Variants in HPS5 observed in about 807,000 individuals in gnomAD.
The protein encoded by HPS5 is BLOC-2 complex member HPS5.
A neutral mutation model predicts 128.0 loss-of-function variants in HPS5; 83 were observed. The observed-to-expected ratio is 0.65, with a 90% CI of 0.54 to 0.78. HPS5 has a LOEUF of 0.78. Ranked by LOEUF, HPS5 falls within the 30% of genes least tolerant of loss-of-function variation. HPS5 has a pLI of 0.00. For missense variants in HPS5, 1,281 were observed against 1,326.2 expected, an observed-to-expected ratio of 0.97 and a Z score of 0.53; for synonymous variants, 475 against 470.2, an observed-to-expected ratio of 1.01 and a Z score of -0.13.
intron 16 of HPS5, among the ~76,000 whole-genome samples, chr11:18,290,992 G>A (rs1860325067): frequency 6.6e-6 from 1 of 152,242 alleles, no homozygotes; most frequent in African/African-American, 2.4e-5. Context: ...GCCAAGGCAG[G>A]TAGATCACTT....
chr11:18,291,952 G>A lies in HPS5; in HGVS notation c.1930C>T (p.Leu644Phe). Residue 644 changes from leucine to phenylalanine, a missense_variant, in exon 16 of 23, where the codon CTT (leucine) becomes TTT (phenylalanine). Coordinates refer to ENST00000349215, the MANE Select transcript of HPS5 (RefSeq NM_181507.2). ...ESLRMVLQEWLSHLEKTFAMK... is the reference protein window; with the variant it reads ...ESLRMVLQEWFSHLEKTFAMK... The stretch of plus-strand genomic sequence containing the variant: ...GCAAATGTTTTTTCTAAATGTGAAA[G>A]CCACTCCTGTAAAACCATTCTCAGA... 6.2e-7 allele frequency: 1 copy of A among 1,611,676 alleles called. No homozygotes were observed. Among genetic ancestry groups the A allele is most frequent in the Non-Finnish European group, 8.5e-7 (1 of 1,179,476 alleles).
In HPS5 at chr11:18,287,888, C is replaced by T. The variant is rs1270370221; in HGVS notation, c.2561+5G>A. On this transcript the variant is annotated splice_donor_5th_base_variant and intron_variant, in intron 17 of 22. Transcript: ENST00000349215. The stretch of plus-strand genomic sequence containing the variant: ...CTCATATAAACAATATACAGGACAA[C>T]TTACCGGGTAGCATAAACAACCAAC... The T allele has an allele frequency of 6.2e-7, 1 of 1,614,018 alleles. No homozygotes were observed. The highest frequency in any genetic ancestry group is 1.7e-5 in the Admixed American group (1 of 60,030).
chr11:18,286,909 A>AC, intron 18 of HPS5, 199 bp from the exon 19 acceptor site: 4 of 616,486 alleles, frequency 6.5e-6, no homozygotes, highest in South Asian at 2.0e-5. Flanking sequence ...GGGCCAAAAA[A>AC]GAAAAAAAAA....
intron 22 of HPS5, chr11:18,280,681 A>C: frequency 3.1e-6 from 2 of 648,472 alleles, no homozygotes; most frequent in South Asian, 3.5e-5. Flanking sequence ...GGTGGCATAT[A>C]TATACAACGG....
intron 2 of HPS5, among the ~76,000 whole-genome samples, chr11:18,313,510 G>A (rs1863238269): frequency 6.6e-6 from 1 of 152,138 alleles, no homozygotes; most frequent in African/African-American, 2.4e-5. Flanking sequence ...AATCCACTTG[G>A]GCTGGACAAG....
In HPS5 at chr11:18,317,922, CA is replaced by C; in HGVS notation, c.-49-16del. The C allele has an allele frequency of 6.4e-7, 1 of 1,551,288 alleles. No homozygotes were observed. Among genetic ancestry groups the C allele is most frequent in the South Asian group, 1.2e-5 (1 of 86,146 alleles). ...GTATTCCTCACCTGAATAAAATCCA[CA>C]AAAATATAATTTAAGAAGCCCACCA... On this transcript the variant is annotated splice_polypyrimidine_tract_variant and intron_variant, in intron 1 of 22. Transcript: ENST00000349215.
intron 14 of HPS5, 121 bp from the exon 15 acceptor site, chr11:18,293,097 T>A (rs575163745): frequency 1.9e-5 from 15 of 777,556 alleles, no homozygotes; most frequent in Non-Finnish European, 3.5e-5. Flanking sequence ...TCTCGGTTCA[T>A]TGCAACCTCC....
intron 15 of HPS5, among the ~76,000 whole-genome samples, chr11:18,292,436 C>A (rs1035361950): frequency 2.0e-5 from 3 of 152,060 alleles, no homozygotes; most frequent in African/African-American, 4.8e-5. Context: ...TCAAGCGATC[C>A]GCCCACCTCA....
intron 3 of HPS5, 65 bp from the exon 4 acceptor site, chr11:18,311,516 T>TTTA (rs1313678234): frequency 2.3e-6 from 2 of 868,696 alleles, no homozygotes; most frequent in South Asian, 2.3e-5. Flanking sequence ...TTATTATTTT[T>TTTA]TTTTTTTTTT....
chr11:18,288,031 T>G lies in HPS5; in HGVS notation c.2441-18A>C. ...TGCCATTTCTGAAATATAAAGCATA[T>G]CCTTTTCCAAACTTTATCTCTTAGG... On this transcript the variant is annotated intron_variant, in intron 16 of 22. Coordinates refer to ENST00000349215, the MANE Select transcript of HPS5 (RefSeq NM_181507.2). 6.2e-7 allele frequency: 1 copy of G among 1,613,090 alleles called. No individual in the cohort carries two copies. The highest frequency in any genetic ancestry group is 8.5e-7 in the Non-Finnish European group (1 of 1,179,646).
chr11:18,299,862 A>G (rs1207098896), intron 9 of HPS5, among the ~76,000 whole-genome samples: 2 of 152,234 alleles, frequency 1.3e-5, no homozygotes, highest in African/African-American at 4.8e-5. Flanking sequence ...TAAGTGAAAT[A>G]AGCTAGGAAC....
intron 2 of HPS5, 138 bp downstream of exon 2, chr11:18,317,613 T>C (rs1863799590): frequency 1.2e-6 from 1 of 840,240 alleles, no homozygotes; most frequent in African/African-American, 1.7e-5. Context: ...ATTTTCTTCT[T>C]TTTTTTCCCC....
At chr11:18,303,572 T>C (rs1339562554) in intron 8 of HPS5, among the ~76,000 whole-genome samples, 1 of 152,176 alleles carries the variant, frequency 6.6e-6, no homozygotes, top group Non-Finnish European at 1.5e-5. Flanking sequence ...CTAAGTGTAT[T>C]GTGGCCCGAC....
At chr11:18,285,699 A>G (rs372721830) in intron 19 of HPS5, among the ~76,000 whole-genome samples, 1 of 152,134 alleles carries the variant, frequency 6.6e-6, no homozygotes, top group Admixed American at 6.5e-5. Flanking sequence ...TCTTCTTTTA[A>G]TTCTATCATT....
intron 6 of HPS5, among the ~76,000 whole-genome samples, chr11:18,307,831 A>C (rs926323376): frequency 3.9e-5 from 6 of 152,170 alleles, no homozygotes; most frequent in African/African-American, 1.4e-4. Flanking sequence ...ATATTTTATT[A>C]TATTACACAT....
At chr11:18,284,494 C>T (rs1859431173) in intron 20 of HPS5, among the ~76,000 whole-genome samples, 1 of 152,168 alleles carries the variant, frequency 6.6e-6, no homozygotes, top group Non-Finnish European at 1.5e-5. Flanking sequence ...CCAGCCTTCT[C>T]ATATATGACA....
At chr11:18,305,764 GCT>G (rs1370589475) in intron 7 of HPS5, among the ~76,000 whole-genome samples, 1 of 139,808 alleles carries the variant, frequency 7.2e-6, no homozygotes, top group Non-Finnish European at 1.5e-5. Context: ...ACGGAGTCTC[GCT>G]CTGTCACCCA....
chr11:18,280,738 A>C, intron 22 of HPS5: 2 of 544,304 alleles, frequency 3.7e-6, no homozygotes, highest in Non-Finnish European at 6.5e-6. Context: ...CACATGCTAC[A>C]ACATGGATAA....
chr11:18,317,642 A>T, intron 2 of HPS5, 109 bp downstream of exon 2: 2 of 1,004,392 alleles, frequency 2.0e-6, no homozygotes, highest in South Asian at 2.8e-5. Context: ...TATGACTAGG[A>T]CAGGTAAGAA....
Sources: gnomAD v4.1 joint callset for allele counts (sites outside exome capture counted in the v4.1 genomes callset) on GRCh38, gnomAD v4.1.1 for gene constraint, MANE v1.5 for transcripts, NCBI Gene and HGNC (gene_info 2026-07-23, HGNC 2026-07-21) for gene names.